MAGI2: variants seen among roughly 807,000 people sequenced by gnomAD.
MAGI2 encodes membrane-associated guanylate kinase, WW and PDZ domain-containing protein 2.
MAGI2 carries 35 observed loss-of-function variants against 133.3 expected under a neutral mutation model. That is an observed-to-expected ratio of 0.26 (90% CI 0.20 to 0.35). MAGI2 has a LOEUF of 0.35. Among genes scored for constraint, MAGI2 ranks in the 10% least tolerant of loss-of-function variants. MAGI2 has a pLI of 1.00. For synonymous variants in MAGI2, 729 were observed against 710.6 expected (o/e 1.03, Z -0.41); for missense variants, 1,636 against 1,863.4 (o/e 0.88, Z 2.25).
intron 2 of MAGI2, among the ~76,000 whole-genome samples, chr7:78,945,264 G>A (rs1801324868): frequency 6.6e-6 from 1 of 152,150 alleles, no homozygotes; most frequent in African/African-American, 2.4e-5. Context: ...GTTTCACCAT[G>A]TTGGCCAGGC....
At chr7:78,082,377 G>T (rs1221538818) in intron 20 of MAGI2, among the ~76,000 whole-genome samples, 1 of 152,158 alleles carries the variant, frequency 6.6e-6, no homozygotes, top group Non-Finnish European at 1.5e-5. Context: ...GGGCTGAGCT[G>T]AAGTCCCCTC....
chr7:79,215,735 G>A (rs964957540), intron 1 of MAGI2, among the ~76,000 whole-genome samples: 7 of 151,778 alleles, frequency 4.6e-5, no homozygotes, highest in African/African-American at 1.7e-4. Context: ...TATAACTTCT[G>A]TCCCCCTAAA....
intron 2 of MAGI2, among the ~76,000 whole-genome samples, chr7:78,842,238 G>A (rs1792208189): frequency 1.3e-5 from 2 of 151,982 alleles, no homozygotes; most frequent in South Asian, 4.1e-4. Context: ...AGAACCTCCT[G>A]TAAGGAGAGA....
At chr7:78,781,181 A>G (rs1826363777) in intron 2 of MAGI2, among the ~76,000 whole-genome samples, 4 of 152,056 alleles carry the variant, frequency 2.6e-5, no homozygotes, top group Admixed American at 6.5e-5. Context: ...GATCGAGACC[A>G]TCTTGACTAA....
In MAGI2 at chr7:78,521,888, T is replaced by G. The variant is rs576453320; in HGVS notation, c.539-243A>C. Among the ~76,000 whole-genome samples the G allele has an allele frequency of 2.8e-4, 43 of 152,348 alleles. No homozygotes were observed. In the Middle Eastern group the frequency reaches 0.024, roughly 84 times the overall value. On this transcript the variant is annotated intron_variant, in intron 3 of 21. Coordinates refer to ENST00000354212, the MANE Select transcript of MAGI2 (RefSeq NM_012301.4). Reference sequence around the variant, plus strand: ...ATATAGATCTATCTTTATTCTCATCTTTGTGCCAAACCAAAATATAGTCTT... The same window carrying G: ...ATATAGATCTATCTTTATTCTCATCGTTGTGCCAAACCAAAATATAGTCTT...
chr7:78,053,950 C>T (rs1373673735), intron 21 of MAGI2, among the ~76,000 whole-genome samples: 2 of 147,386 alleles, frequency 1.4e-5, no homozygotes, highest in African/African-American at 5.1e-5. Flanking sequence ...TTTTCAAGCA[C>T]ACTTGTACTC....
intron 9 of MAGI2, among the ~76,000 whole-genome samples, chr7:78,279,253 A>G (rs1034909188): frequency 1.3e-5 from 2 of 152,090 alleles, no homozygotes; most frequent in Non-Finnish European, 2.9e-5. Flanking sequence ...AACACACAGA[A>G]ATACAGCTTA....
intron 2 of MAGI2, among the ~76,000 whole-genome samples, chr7:78,928,013 T>A (rs1799845174): frequency 6.6e-6 from 1 of 151,938 alleles, no homozygotes; most frequent in South Asian, 2.1e-4. Flanking sequence ...TTTCAAAAGT[T>A]CTGAAGTCAA....
intron 20 of MAGI2, among the ~76,000 whole-genome samples, chr7:78,121,782 G>A (rs1369082953): frequency 6.6e-6 from 1 of 152,162 alleles, no homozygotes; most frequent in Non-Finnish European, 1.5e-5. Flanking sequence ...GATTGTATGA[G>A]TTACAACAAA....
chr7:78,909,229 A>G lies in MAGI2; in HGVS notation c.418+97861T>C, dbSNP rs557490646. Among the ~76,000 whole-genome samples, 7 of 152,076 alleles carry G rather than the reference A, an allele frequency of 4.6e-5. No homozygotes were observed. In the East Asian group the frequency reaches 9.6e-4, roughly 21 times the overall value. On this transcript the variant is annotated intron_variant, in intron 2 of 21. Coordinates refer to ENST00000354212, the MANE Select transcript of MAGI2 (RefSeq NM_012301.4). ...TATAAAAAGAAGCTCAACATCACTGATCATTAGAGAAATGCAAATCAAAAC... is the reference window on the plus strand; with the variant it reads ...TATAAAAAGAAGCTCAACATCACTGGTCATTAGAGAAATGCAAATCAAAAC...
intron 9 of MAGI2, among the ~76,000 whole-genome samples, chr7:78,280,377 G>A (rs1408519103): frequency 1.3e-5 from 2 of 152,090 alleles, no homozygotes; most frequent in Admixed American, 6.6e-5. Flanking sequence ...GAAAGGACAG[G>A]AAAGAGCCAC....
chr7:78,976,220 T>C (rs1804236921), intron 2 of MAGI2, among the ~76,000 whole-genome samples: 1 of 151,514 alleles, frequency 6.6e-6, no homozygotes, highest in Admixed American at 6.6e-5. Context: ...ATAAAATAAG[T>C]TATAAACTAC....
At chr7:79,341,477 T>C (rs942942415) in intron 1 of MAGI2, among the ~76,000 whole-genome samples, 1 of 151,966 alleles carries the variant, frequency 6.6e-6, no homozygotes, top group Non-Finnish European at 1.5e-5. Context: ...GATAGAAGAA[T>C]AAAAGTGAAG....
At chr7:79,255,658 A>T (rs1833628965) in intron 1 of MAGI2, among the ~76,000 whole-genome samples, 1 of 152,194 alleles carries the variant, frequency 6.6e-6, no homozygotes, top group African/African-American at 2.4e-5. Context: ...GAGAAACAAC[A>T]GCAGGTGTGG....
intron 2 of MAGI2, among the ~76,000 whole-genome samples, chr7:78,655,063 G>A (rs530063257): frequency 4.6e-5 from 7 of 151,184 alleles, no homozygotes; most frequent in African/African-American, 9.7e-5. Flanking sequence ...TTTATATATC[G>A]CATGCCCGTA....
intron 1 of MAGI2, among the ~76,000 whole-genome samples, chr7:79,187,701 G>T (rs1298286367): frequency 6.6e-6 from 1 of 151,716 alleles, no homozygotes; most frequent in African/African-American, 2.4e-5. Context: ...CGGATTTATG[G>T]TTGAAATTAT....
chr7:79,385,343 T>C (rs551500861), intron 1 of MAGI2, among the ~76,000 whole-genome samples: 1 of 151,982 alleles, frequency 6.6e-6, no homozygotes, highest in South Asian at 2.1e-4. Flanking sequence ...GGACCAGGAA[T>C]GGAATAATGG....
At chr7:78,419,279 A>G (rs1798578059) in intron 6 of MAGI2, among the ~76,000 whole-genome samples, 1 of 152,246 alleles carries the variant, frequency 6.6e-6, no homozygotes, top group Admixed American at 6.5e-5. Flanking sequence ...TTGGACAAAT[A>G]CTAATAAGAA....
chr7:78,812,166 T>C (rs964869215), intron 2 of MAGI2, among the ~76,000 whole-genome samples: 2 of 152,180 alleles, frequency 1.3e-5, no homozygotes, highest in Non-Finnish European at 2.9e-5. Flanking sequence ...TGATGACAAC[T>C]TGATTTTAGT....
Sources: allele counts gnomAD v4.1 joint callset (sites outside exome capture counted in the v4.1 genomes callset), GRCh38; gene constraint gnomAD v4.1.1; transcripts MANE v1.5; gene names NCBI Gene and HGNC (gene_info 2026-07-23, HGNC 2026-07-21).